The following RGS6 variants were observed in gnomAD, a reference collection of about 807,000 sequenced individuals.
RGS6 encodes the protein regulator of G-protein signaling 6.
Under a neutral mutation model 78.5 loss-of-function variants are expected in RGS6, and 30 were observed. The ratio of observed to expected loss-of-function variants is 0.38; its 90% CI spans 0.29 to 0.52. RGS6 has a LOEUF of 0.52. RGS6 is among the 20% of genes least tolerant of loss of function. RGS6 has a pLI of 0.85. For synonymous variants in RGS6, 206 were observed against 206.0 expected (o/e 1.00, Z 0.00); for missense variants, 495 against 609.7 (o/e 0.81, Z 1.98).
chr14:71,927,751 T>G (rs36336), upstream of RGS6, among the ~76,000 whole-genome samples: 71,619 of 150,906 alleles, frequency 0.47, 17,140 homozygotes, highest in Admixed American at 0.53. Context: ...TCCGCCTCCC[T>G]GGTTCATGCC....
chr14:71,972,078 C>T (rs900490257), intron 2 of RGS6, among the ~76,000 whole-genome samples: 1 of 152,032 alleles, frequency 6.6e-6, no homozygotes, highest in African/African-American at 2.4e-5. Flanking sequence ...CATAGGTATA[C>T]ATGTGCCATG....
chr14:72,461,589 G>A (rs1010128630), intron 6 of RGS6, among the ~76,000 whole-genome samples: 2 of 152,158 alleles, frequency 1.3e-5, no homozygotes, highest in Non-Finnish European at 2.9e-5. Flanking sequence ...TGACTCGGGA[G>A]GCTGAGATGG....
intron 3 of RGS6, among the ~76,000 whole-genome samples, chr14:72,434,522 A>G (rs1356697992): frequency 6.6e-6 from 1 of 152,084 alleles, no homozygotes; most frequent in Non-Finnish European, 1.5e-5. Context: ...ACTGATCACA[A>G]TTCCGGTGGC....
chr14:71,885,963 C>A, the RGS6 span, among the ~76,000 whole-genome samples: 16 of 149,990 alleles, frequency 1.1e-4, no homozygotes, highest in African/African-American at 3.7e-4. Flanking sequence ...CTTTCTTTTT[C>A]TCCCTCCCTT....
the RGS6 span, among the ~76,000 whole-genome samples, chr14:72,583,028 A>T: frequency 6.6e-6 from 1 of 152,168 alleles, no homozygotes; most frequent in Non-Finnish European, 1.5e-5. Flanking sequence ...AAAAGGGCAG[A>T]GGAAGAGCAA....
At chr14:72,185,956 A>C (rs2097238257) in intron 2 of RGS6, among the ~76,000 whole-genome samples, 1 of 152,222 alleles carries the variant, frequency 6.6e-6, no homozygotes, top group Non-Finnish European at 1.5e-5. Flanking sequence ...ATTCGTACAT[A>C]ATTTTTTCAC....
At chr14:72,479,648 G>T (rs932509317) in intron 12 of RGS6, among the ~76,000 whole-genome samples, 1 of 152,210 alleles carries the variant, frequency 6.6e-6, no homozygotes, top group Non-Finnish European at 1.5e-5. Flanking sequence ...TGGAGTCGCT[G>T]TTTCAGCTAG....
At chr14:71,938,508 A>G (rs372851855) in intron 1 of RGS6, among the ~76,000 whole-genome samples, 32 of 152,200 alleles carry the variant, frequency 2.1e-4, no homozygotes, top group African/African-American at 7.7e-4. Flanking sequence ...ATCTGTGAAC[A>G]GGCCCTAGTC....
At chr14:72,345,881 G>A (rs769642115) in intron 2 of RGS6, among the ~76,000 whole-genome samples, 3 of 152,170 alleles carry the variant, frequency 2.0e-5, no homozygotes, top group Non-Finnish European at 2.9e-5. Flanking sequence ...CTGATCTTTT[G>A]GAACACATAT....
At chr14:72,528,462 G>C (rs1432235610) in intron 15 of RGS6, among the ~76,000 whole-genome samples, 1 of 152,108 alleles carries the variant, frequency 6.6e-6, no homozygotes, top group Non-Finnish European at 1.5e-5. Context: ...CTAAGACACT[G>C]GTGTGATTTA....
rs1280839938 is a variant in RGS6 at position 72,564,698 on chromosome 14, C to T, written c.*2231C>T. Reference sequence around the variant, plus strand: ...GGGCAGGGTTGGCTTCTTGGCCATTCCCTCTGTGCCCCCTTCTCCTTCTGA... The same window carrying T: ...GGGCAGGGTTGGCTTCTTGGCCATTTCCTCTGTGCCCCCTTCTCCTTCTGA... On this transcript the variant is annotated 3_prime_UTR_variant, in exon 18 of 18. Transcript: ENST00000553525. 1 of 152,274 alleles carries T rather than the reference C, an allele frequency of 6.6e-6. No individual in the cohort carries two copies. The highest frequency in any genetic ancestry group is 1.5e-5 in the Non-Finnish European group (1 of 68,106). The allele number at this position is 152,274 out of a possible 1,614,324, so 9.4% of individuals were successfully genotyped here. A position where few individuals can be genotyped will look rare whatever the true frequency, so the allele number is the denominator to read the frequency against.
At chr14:72,347,969 G>T (rs2078376268) in intron 2 of RGS6, among the ~76,000 whole-genome samples, 1 of 152,184 alleles carries the variant, frequency 6.6e-6, no homozygotes, top group Non-Finnish European at 1.5e-5. Context: ...AAGATTTAAT[G>T]GGTTGTATAG....
At chr14:72,023,214 T>G (rs1429722293) in intron 2 of RGS6, among the ~76,000 whole-genome samples, 1 of 152,246 alleles carries the variant, frequency 6.6e-6, no homozygotes, top group African/African-American at 2.4e-5. Flanking sequence ...TCTTGGGAGA[T>G]GTACATATTT....
chr14:72,124,378 A>G (rs1318019985), intron 2 of RGS6, among the ~76,000 whole-genome samples: 2 of 152,152 alleles, frequency 1.3e-5, no homozygotes, highest in Non-Finnish European at 2.9e-5. Context: ...TTTTCTTAAT[A>G]ACGAACACAA....
At chr14:72,332,233 G>A (rs922425085) in intron 2 of RGS6, among the ~76,000 whole-genome samples, 2 of 152,176 alleles carry the variant, frequency 1.3e-5, no homozygotes, top group Non-Finnish European at 2.9e-5. Context: ...GCTCCAGATG[G>A]TTCACAAACT....
At chr14:72,401,081 AT>A (rs897097398) in intron 3 of RGS6, among the ~76,000 whole-genome samples, 12 of 151,004 alleles carry the variant, frequency 7.9e-5, no homozygotes, top group South Asian at 2.1e-4. Flanking sequence ...ATAATTCTTC[AT>A]TTTTTTTTAG....
intron 2 of RGS6, among the ~76,000 whole-genome samples, chr14:72,307,217 C>T (rs2067445019): frequency 6.6e-6 from 1 of 151,878 alleles, no homozygotes; most frequent in Non-Finnish European, 1.5e-5. Context: ...GTTTTTTAGA[C>T]ATAATGCTAT....
intron 1 of RGS6, among the ~76,000 whole-genome samples, chr14:71,938,537 T>C (rs2089949783): frequency 6.6e-6 from 1 of 152,082 alleles, no homozygotes; most frequent in Admixed American, 6.5e-5. Context: ...CTCTGTCAAC[T>C]GATGATAGGG....
intron 1 of RGS6, among the ~76,000 whole-genome samples, chr14:71,941,544 G>C (rs767675716): frequency 2.0e-5 from 3 of 152,154 alleles, no homozygotes; most frequent in Non-Finnish European, 2.9e-5. Context: ...CCCACAATAG[G>C]CTATCTGTAA....
Sources: allele counts gnomAD v4.1 joint callset (sites outside exome capture counted in the v4.1 genomes callset), GRCh38; gene constraint gnomAD v4.1.1; transcripts MANE v1.5; gene names NCBI Gene and HGNC (gene_info 2026-07-23, HGNC 2026-07-21).